HIVEP3: variants seen among roughly 807,000 people sequenced by gnomAD.
HIVEP3 encodes the protein HIVEP zinc finger 3.
Under a neutral mutation model 152.8 loss-of-function variants are expected in HIVEP3, and 49 were observed. The ratio of observed to expected loss-of-function variants is 0.32; its 90% confidence interval spans 0.26 to 0.41. The LOEUF (loss-of-function observed/expected upper bound fraction) is 0.41. Among genes scored for constraint, HIVEP3 ranks in the 10% least tolerant of loss-of-function variants. The pLI, the probability that HIVEP3 is intolerant of heterozygous loss-of-function variation, is 1.00. For missense variants in HIVEP3, 2,790 were observed against 3,103.3 expected, an observed-to-expected ratio of 0.90 and a Z score of 2.40; for synonymous variants, 1,269 against 1,289.0, an observed-to-expected ratio of 0.98 and a Z score of 0.33.
chr1:41,705,634 C>A (rs571516341), intron 1 of HIVEP3, among the ~76,000 whole-genome samples: 1 of 152,186 alleles, frequency 6.6e-6, no homozygotes, highest in African/African-American at 2.4e-5. Context: ...CACTGCCCGG[C>A]GCTCACAGGG....
chr1:41,567,918 T>G (rs1644192523), intron 5 of HIVEP3, among the ~76,000 whole-genome samples: 1 of 152,246 alleles, frequency 6.6e-6, no homozygotes, highest in African/African-American at 2.4e-5. Flanking sequence ...CTTCGTTGTG[T>G]CCTTGATCCT....
intron 1 of HIVEP3, among the ~76,000 whole-genome samples, chr1:41,969,660 T>C (rs1645218567): frequency 1.3e-5 from 2 of 152,204 alleles, no homozygotes; most frequent in African/African-American, 4.8e-5. Flanking sequence ...AAAGATTTCA[T>C]GATGAAAACA....
At chr1:41,954,460 A>G (rs1486196496) in intron 1 of HIVEP3, among the ~76,000 whole-genome samples, 1 of 152,192 alleles carries the variant, frequency 6.6e-6, no homozygotes, top group African/African-American at 2.4e-5. Flanking sequence ...CTCATTGAAA[A>G]CCAAGGAGGC....
At chr1:42,022,068 C>T (rs746877245) in intron 1 of HIVEP3, among the ~76,000 whole-genome samples, 4 of 152,170 alleles carry the variant, frequency 2.6e-5, no homozygotes, top group Non-Finnish European at 5.9e-5. Context: ...AGGAGAAGAG[C>T]GAATGCTGCT....
At chr1:41,729,749 T>C (rs1646811604) in intron 1 of HIVEP3, among the ~76,000 whole-genome samples, 1 of 152,200 alleles carries the variant, frequency 6.6e-6, no homozygotes, top group East Asian at 1.9e-4. Context: ...TCCTTGTTCC[T>C]CTAGTTACCT....
At chr1:41,891,169 C>T (rs1054656335) in intron 1 of HIVEP3, among the ~76,000 whole-genome samples, 1 of 152,172 alleles carries the variant, frequency 6.6e-6, no homozygotes. Flanking sequence ...TTTATGTGTC[C>T]AAACTTGCCA....
intron 1 of HIVEP3, among the ~76,000 whole-genome samples, chr1:42,024,071 T>C (rs1645569348): frequency 6.6e-6 from 1 of 152,238 alleles, no homozygotes; most frequent in Non-Finnish European, 1.5e-5. Flanking sequence ...ACAATAGCTT[T>C]ATAATAAGAC....
At chr1:41,730,809 G>C (rs957495773) in intron 1 of HIVEP3, among the ~76,000 whole-genome samples, 2 of 152,204 alleles carry the variant, frequency 1.3e-5, no homozygotes, top group Admixed American at 6.5e-5. Flanking sequence ...GACCCCACAG[G>C]TGGGAGGCTG....
chr1:41,894,376 G>T (rs780100077), intron 1 of HIVEP3, among the ~76,000 whole-genome samples: 2 of 152,140 alleles, frequency 1.3e-5, no homozygotes, highest in Non-Finnish European at 2.9e-5. Context: ...TCTTCCATTA[G>T]CTCACTCACA....
chr1:41,567,024 C>T (rs1347027414), intron 5 of HIVEP3, among the ~76,000 whole-genome samples: 1 of 152,122 alleles, frequency 6.6e-6, no homozygotes, highest in Non-Finnish European at 1.5e-5. Flanking sequence ...CTCATCTATC[C>T]AATTGCCAAA....
chr1:41,982,117 T>C (rs1008568835), intron 1 of HIVEP3, among the ~76,000 whole-genome samples: 2 of 152,246 alleles, frequency 1.3e-5, no homozygotes, highest in Admixed American at 6.5e-5. Flanking sequence ...CGTGGTACTT[T>C]ATAAGATTTC....
At chr1:41,549,219 G>T (rs1015995141) in intron 5 of HIVEP3, among the ~76,000 whole-genome samples, 1 of 152,052 alleles carries the variant, frequency 6.6e-6, no homozygotes, top group Non-Finnish European at 1.5e-5. Flanking sequence ...TTTTCTATGG[G>T]TACATAGTAT....
At chr1:41,525,045 G>A in intron 5 of HIVEP3, 135 bp from the exon 6 acceptor site, 1 of 816,128 alleles carries the variant, frequency 1.2e-6, no homozygotes, top group Non-Finnish European at 1.9e-6. Context: ...GAACCAGAGA[G>A]GACCACGAGA....
At chr1:41,900,868 C>A (rs976205673) in intron 1 of HIVEP3, among the ~76,000 whole-genome samples, 2 of 152,086 alleles carry the variant, frequency 1.3e-5, no homozygotes, top group African/African-American at 4.8e-5. Flanking sequence ...GGCCCATCGC[C>A]TGGGGTGGTG....
chr1:41,927,214 C>A (rs1644972578), intron 1 of HIVEP3, among the ~76,000 whole-genome samples: 1 of 152,140 alleles, frequency 6.6e-6, no homozygotes, highest in South Asian at 2.1e-4. Flanking sequence ...TGAGATCCTC[C>A]TTTGGGTACC....
At chr1:41,820,704 GACACA>G (rs1642570889) in intron 1 of HIVEP3, among the ~76,000 whole-genome samples, 1 of 152,170 alleles carries the variant, frequency 6.6e-6, no homozygotes, top group Admixed American at 6.5e-5. Context: ...TGGTCACTAA[GACACA>G]ACATACAATA....
At chr1:41,568,747 C>T (rs1358946302) in intron 5 of HIVEP3, among the ~76,000 whole-genome samples, 2 of 152,214 alleles carry the variant, frequency 1.3e-5, no homozygotes, top group Admixed American at 6.5e-5. Context: ...ATGAAACTGC[C>T]TATGCAGAAT....
chr1:41,590,110 A>T (rs1644565365), intron 3 of HIVEP3, among the ~76,000 whole-genome samples: 1 of 152,224 alleles, frequency 6.6e-6, no homozygotes. Flanking sequence ...CTTGCAAAAA[A>T]ATACTAAAAG....
chr1:41,975,454 G>A (rs988017342), intron 1 of HIVEP3, among the ~76,000 whole-genome samples: 1 of 152,172 alleles, frequency 6.6e-6, no homozygotes, highest in African/African-American at 2.4e-5. Flanking sequence ...AGCAGATAGT[G>A]GGCCTTCAGG....
Sources: gnomAD v4.1 joint callset for allele counts (sites outside exome capture counted in the v4.1 genomes callset) on GRCh38, gnomAD v4.1.1 for gene constraint, MANE v1.5 for transcripts, NCBI Gene and HGNC (gene_info 2026-07-23, HGNC 2026-07-21) for gene names.